Variants in MIB1 observed in about 807,000 individuals in gnomAD.
The protein encoded by MIB1 is MIB E3 ubiquitin protein ligase 1.
Under a neutral mutation model 124.5 loss-of-function variants are expected in MIB1, and 278 were observed. That is an observed-to-expected ratio of 2.23 (90% CI 2.02 to 2.47). The LOEUF is 2.47. MIB1 is among the 30% of genes most tolerant of loss of function. The pLI, the probability that MIB1 is intolerant of heterozygous loss-of-function variation, is 0.00. For missense variants in MIB1, 957 were observed against 1,254.4 expected, an observed-to-expected ratio of 0.76 and a Z score of 3.58; for synonymous variants, 446 against 429.4, an observed-to-expected ratio of 1.04 and a Z score of -0.48.
intron 17 of MIB1, among the ~76,000 whole-genome samples, chr18:21,851,647 T>G (rs1298778166): frequency 6.6e-6 from 1 of 152,160 alleles, no homozygotes; most frequent in Non-Finnish European, 1.5e-5. Context: ...GGAAATTAAT[T>G]GAATTAACAT....
intron 1 of MIB1, among the ~76,000 whole-genome samples, chr18:21,719,942 T>C (rs1293806489): frequency 1.3e-5 from 2 of 152,174 alleles, no homozygotes; most frequent in Admixed American, 6.5e-5. Context: ...TGTATACACA[T>C]TTATACTAGC....
At position 21,772,689 on chromosome 18, in the gene MIB1, T is replaced by A. The variant is rs147275629; in HGVS notation, c.532-935T>A. Among the ~76,000 whole-genome samples, 46 of 152,154 alleles carry A rather than the reference T, an allele frequency of 3.0e-4. 1 individual carries two copies. In the East Asian group the frequency reaches 8.7e-3, roughly 29 times the overall value. On this transcript the variant is annotated intron_variant, in intron 3 of 20. Coordinates refer to ENST00000261537, the MANE Select transcript of MIB1 (RefSeq NM_020774.4). ...TGGCAACCCCAGTATATATATATAT[T>A]TTTTAATCCAGTGAATTCAAGAATC...
chr18:21,719,987 TA>T (rs962009494), intron 1 of MIB1, among the ~76,000 whole-genome samples: 3 of 152,156 alleles, frequency 2.0e-5, no homozygotes, highest in African/African-American at 7.2e-5. Flanking sequence ...ATAAAACGTT[TA>T]AAAAAAGATT....
Position 21,741,500 on chromosome 18 carries a change from C to T in MIB1, c.-84C>T. The T allele has an allele frequency of 2.0e-6, 2 of 1,024,856 alleles. No homozygotes were observed. Among genetic ancestry groups the T allele is most frequent in the Non-Finnish European group, 2.5e-6 (2 of 798,258 alleles). The allele number at this position is 1,024,856 out of a possible 1,614,324, so 63.5% of individuals were successfully genotyped here. On this transcript the variant is annotated 5_prime_UTR_variant, in exon 1 of 21. Coordinates refer to ENST00000261537, the MANE Select transcript of MIB1 (RefSeq NM_020774.4). This position sits in a 1 kb window ranked among gnomAD's most constrained non-coding sequence, Gnocchi z 5.4. ...GCCCCCGCCGACGCCTAGAGTCCGG[C>T]CCGGGCCCAACTCCCTCACGGGCCC...
chr18:21,709,118 A>C (rs943211285), intron 1 of MIB1, among the ~76,000 whole-genome samples: 15 of 152,076 alleles, frequency 9.9e-5, no homozygotes, highest in East Asian at 9.7e-4. Flanking sequence ...AGATCGAGAC[A>C]ATCCTGGCTA....
chr18:21,842,489 A>G (rs929779206), intron 13 of MIB1, among the ~76,000 whole-genome samples: 1 of 152,196 alleles, frequency 6.6e-6, no homozygotes, highest in Admixed American at 6.5e-5. Context: ...GTTTTGACCT[A>G]GGTCCCCTGA....
chr18:21,704,936 G>A (rs543389887), upstream of MIB1: 4 of 289,044 alleles, frequency 1.4e-5, no homozygotes, highest in South Asian at 6.0e-4. Context: ...TTCCAAGACC[G>A]GCCACCGGGA....
chr18:21,823,448 C>T (rs538788208), intron 12 of MIB1, among the ~76,000 whole-genome samples: 36 of 151,554 alleles, frequency 2.4e-4, no homozygotes, highest in African/African-American at 8.2e-4. Flanking sequence ...AGATATAGCA[C>T]GTTGTTATTT....
intron 1 of MIB1, among the ~76,000 whole-genome samples, chr18:21,710,206 C>T (rs905565597): frequency 6.6e-6 from 1 of 151,846 alleles, no homozygotes; most frequent in Non-Finnish European, 1.5e-5. Flanking sequence ...CTGCAACCTC[C>T]GCCTTAGCCT....
chr18:21,839,599 G>A (rs960041681), intron 13 of MIB1, among the ~76,000 whole-genome samples: 2 of 152,152 alleles, frequency 1.3e-5, no homozygotes, highest in African/African-American at 4.8e-5. Flanking sequence ...TGACCTCCCA[G>A]GCTCAAGCAG....
At chr18:21,843,241 G>A in intron 14 of MIB1, 24 bp downstream of exon 14, 1 of 1,495,612 alleles carries the variant, frequency 6.7e-7, no homozygotes, top group Non-Finnish European at 9.0e-7. Flanking sequence ...ATACATTTTA[G>A]CTTATAATTA....
At chr18:21,805,246 C>G (rs2146461325) in intron 10 of MIB1, among the ~76,000 whole-genome samples, 1 of 152,188 alleles carries the variant, frequency 6.6e-6, no homozygotes, top group East Asian at 1.9e-4. Context: ...CTCCTGACCT[C>G]AAGTGATGTG....
upstream of MIB1, among the ~76,000 whole-genome samples, chr18:21,736,437 A>G (rs2040797356): frequency 2.0e-5 from 3 of 152,232 alleles, no homozygotes; most frequent in Admixed American, 6.5e-5. Flanking sequence ...TGAAAATTCC[A>G]AAAACCAGAA....
At chr18:21,800,223 A>G (rs1262464057) in intron 9 of MIB1, among the ~76,000 whole-genome samples, 2 of 152,022 alleles carry the variant, frequency 1.3e-5, no homozygotes, top group African/African-American at 4.8e-5. Context: ...TTTAAAGACT[A>G]GTATCCTTTT....
intron 12 of MIB1, among the ~76,000 whole-genome samples, chr18:21,835,839 A>AT (rs869228746): frequency 8.6e-6 from 1 of 116,348 alleles, no homozygotes; most frequent in Non-Finnish European, 1.7e-5. Flanking sequence ...ACACACACAC[A>AT]AACACACACG....
chr18:21,850,993 A>G (rs567705966), intron 17 of MIB1, among the ~76,000 whole-genome samples: 1 of 152,270 alleles, frequency 6.6e-6, no homozygotes, highest in African/African-American at 2.4e-5. Context: ...TATAATAATT[A>G]CCTGCTAAAA....
At chr18:21,721,040 G>C (rs930798940) in intron 1 of MIB1, among the ~76,000 whole-genome samples, 1 of 151,336 alleles carries the variant, frequency 6.6e-6, no homozygotes, top group African/African-American at 2.4e-5. Context: ...ATGGTACTGG[G>C]GTACATGGAC....
At chr18:21,773,506 A>G (rs2041245269) in intron 3 of MIB1, 118 bp from the exon 4 acceptor site, 3 of 652,942 alleles carry the variant, frequency 4.6e-6, no homozygotes, top group Non-Finnish European at 7.8e-6. Context: ...ATTTTTCATG[A>G]TCCTGTTACA....
rs79524874 is a variant in MIB1, at chr18:21,763,518, T to C, written c.230-2254T>C. 9.7e-3 allele frequency among the ~76,000 whole-genome samples: 1,475 copies of C among 152,310 alleles called. 19 individuals carry two copies. Among genetic ancestry groups the C allele is most frequent in the African/African-American group, 0.034 (1,406 of 41,566 alleles). On this transcript the variant is annotated intron_variant, in intron 1 of 20. Coordinates refer to ENST00000261537, the MANE Select transcript of MIB1 (RefSeq NM_020774.4). Reference sequence around the variant, plus strand: ...CTGATTTTTTTTCCTGTTTAGTTTCTAAGGCGAGTTTCTATCAATGGAGAC... The same window carrying C: ...CTGATTTTTTTTCCTGTTTAGTTTCCAAGGCGAGTTTCTATCAATGGAGAC...
Sources: gnomAD v4.1 joint callset for allele counts (sites outside exome capture counted in the v4.1 genomes callset) on GRCh38, gnomAD v4.1.1 for gene constraint, Gnocchi (gnomAD v3.1) non-coding constraint, MANE v1.5 for transcripts, NCBI Gene and HGNC (gene_info 2026-07-23, HGNC 2026-07-21) for gene names.